The following ABLIM3 variants were observed in gnomAD, a reference collection of about 807,000 sequenced individuals.
The protein encoded by ABLIM3 is actin binding LIM protein family member 3.
In ABLIM3, 61 loss-of-function variants were observed where a neutral mutation model predicts 109.5. The ratio of observed to expected loss-of-function variants is 0.56; its 90% CI spans 0.45 to 0.69. The LOEUF (loss-of-function observed/expected upper bound fraction) is 0.69. Ranked by LOEUF, ABLIM3 falls within the 30% of genes least tolerant of loss-of-function variation. The pLI, the probability that ABLIM3 is intolerant of heterozygous loss-of-function variation, is 0.00. For missense variants in ABLIM3, 796 were observed against 889.5 expected (o/e 0.89, Z 1.34); for synonymous variants, 300 against 324.8 (o/e 0.92, Z 0.82).
chr5:149,193,445 AT>A (rs942939971), intron 3 of ABLIM3, among the ~76,000 whole-genome samples: 14 of 151,942 alleles, frequency 9.2e-5, no homozygotes, highest in African/African-American at 3.4e-4. Context: ...AATTTATAGA[AT>A]ATCATAAGAA....
chr5:149,189,408 G>A (rs1757273490), intron 3 of ABLIM3, among the ~76,000 whole-genome samples: 1 of 152,146 alleles, frequency 6.6e-6, no homozygotes, highest in South Asian at 2.1e-4. Flanking sequence ...CATCAAGAAT[G>A]TGAAAAGACA....
At chr5:149,185,016 C>T (rs1368902386) in intron 3 of ABLIM3, among the ~76,000 whole-genome samples, 2 of 152,228 alleles carry the variant, frequency 1.3e-5, no homozygotes, top group East Asian at 3.9e-4. Context: ...TATTTTTACA[C>T]CCTCTGAAAT....
rs137857448 is a variant in ABLIM3 at position 149,240,677 on chromosome 5, G to T, written c.1206G>T (p.Gly402=). The T allele has an allele frequency of 8.9e-5, 143 of 1,613,516 alleles. No homozygotes were observed. The African/African-American group carries it at 1.8e-3, about 20-fold the overall frequency. The change falls in exon 14 of 24, where the codon GGG becomes GGT. Residue 402 remains glycine, a splice_region_variant and synonymous_variant. Coordinates refer to ENST00000309868, the MANE Select transcript of ABLIM3 (RefSeq NM_014945.5). ...SRSPHHYYRS[G]PESGRSSPYH... ...GCGACCACTTCCTGCGTGCTCCAGG[G>T]CCCGAGAGTGGCCGGAGCTCTCCAT... is the stretch of plus-strand genomic sequence containing the variant.
chr5:149,211,889 G>C (rs1759591746), intron 7 of ABLIM3, among the ~76,000 whole-genome samples: 1 of 151,704 alleles, frequency 6.6e-6, no homozygotes, highest in Non-Finnish European at 1.5e-5. Flanking sequence ...CAGAATTGTG[G>C]CTGCAGAATT....
chr5:149,144,308 C>T (rs1329962112), intron 2 of ABLIM3, among the ~76,000 whole-genome samples: 2 of 152,122 alleles, frequency 1.3e-5, no homozygotes, highest in African/African-American at 4.8e-5. Context: ...GCTTTGAGGG[C>T]TTAACTCCAT....
intron 7 of ABLIM3, among the ~76,000 whole-genome samples, chr5:149,212,968 TAAAC>T (rs1759706606): frequency 6.6e-6 from 1 of 151,940 alleles, no homozygotes; most frequent in Non-Finnish European, 1.5e-5. Context: ...CTATAAAAAA[TAAAC>T]AAAACTAGCC....
intron 2 of ABLIM3, among the ~76,000 whole-genome samples, chr5:149,161,054 C>T (rs568236910): frequency 1.1e-4 from 16 of 152,268 alleles, no homozygotes; most frequent in African/African-American, 2.2e-4. Context: ...TTGGGTTTTC[C>T]GGGTGTGGAT....
chr5:149,176,178 C>G (rs1403326446), intron 2 of ABLIM3, among the ~76,000 whole-genome samples: 2 of 152,156 alleles, frequency 1.3e-5, no homozygotes, highest in African/African-American at 4.8e-5. Flanking sequence ...ACACACCTGT[C>G]AGGCTTTACC....
chr5:149,239,795 G>A lies in ABLIM3; in HGVS notation c.1111G>A (p.Ala371Thr). ...GAACCTGGACCTCCGGCAGAGACGG[G>A]CCTCCAGCCCGGGGTACATAGACTC... is the stretch of plus-strand genomic sequence containing the variant. ...YENLDLRQRR[A>T]SSPGYIDSPT... Residue 371 changes from alanine to threonine, a missense_variant, in exon 13 of 24, where the codon GCC becomes ACC. Physicochemically the swap from Ala to Thr is moderately conservative, Grantham distance 58. Transcript: ENST00000309868. 6.2e-7 allele frequency: 1 copy of A among 1,608,014 alleles called. No individual in the cohort carries two copies. Among genetic ancestry groups the A allele is most frequent in the Non-Finnish European group, 8.5e-7 (1 of 1,177,194 alleles).
intron 3 of ABLIM3, among the ~76,000 whole-genome samples, chr5:149,196,030 G>A (rs900753966): frequency 1.3e-5 from 2 of 152,174 alleles, no homozygotes; most frequent in African/African-American, 2.4e-5. Context: ...GTGAACAGAG[G>A]CCCCAGAGAA....
chr5:149,176,097 G>A (rs1040820756), intron 2 of ABLIM3, among the ~76,000 whole-genome samples: 6 of 152,156 alleles, frequency 3.9e-5, no homozygotes, highest in Non-Finnish European at 8.8e-5. Flanking sequence ...GGGGTTCCCA[G>A]AGGACTCGTA....
In ABLIM3 at chr5:149,258,690, C is replaced by CAA. The variant is rs1754665908; in HGVS notation, c.*287_*288dup. ...GTCCTAACTTGAGTGCCCCAAGGTC[C>CAA]AACTCTCTTTCCTAAAGAAGGTGCC... On this transcript the variant is annotated 3_prime_UTR_variant, in exon 24 of 24. Transcript: ENST00000309868. 9.4e-7 allele frequency: 1 copy of CAA among 1,065,178 alleles called. No individual in the cohort carries two copies. Among genetic ancestry groups the CAA allele is most frequent in the Admixed American group, 5.2e-5 (1 of 19,348 alleles). The allele number at this position is 1,065,178 out of a possible 1,614,324, so 66.0% of individuals were successfully genotyped here.
Position 149,244,975 on chromosome 5 carries a change from T to C in ABLIM3, c.1446T>C (p.Ala482=). 3 of 1,614,120 alleles carry C rather than the reference T, an allele frequency of 1.9e-6. No individual in the cohort carries two copies. The highest frequency in any genetic ancestry group is 2.5e-6 in the Non-Finnish European group (3 of 1,180,000). The part of the protein sequence containing the change: ...SPIYSPDPYY[A]SESEYWTYHG... ...TCTACTCGCCAGACCCCTACTATGCTTCGGAGTCTGAGTACTGGACCTACC... is the reference window on the plus strand; with the variant it reads ...TCTACTCGCCAGACCCCTACTATGCCTCGGAGTCTGAGTACTGGACCTACC... The change falls in exon 16 of 24, where the codon GCT becomes GCC. Residue 482 remains alanine (A), a synonymous_variant. Transcript: ENST00000309868.
chr5:149,207,001 C>G lies in ABLIM3; in HGVS notation c.449-7C>G. The G allele has an allele frequency of 1.2e-6, 2 of 1,613,632 alleles. No individual in the cohort carries two copies. Among genetic ancestry groups the G allele is most frequent in the Non-Finnish European group, 1.7e-6 (2 of 1,179,776 alleles). ...GCTTTGCTCAGCAGTGTCCTCTTGT[C>G]TTGCAGACTGTGCCGGGTGCAAGGA... On this transcript the variant is annotated splice_polypyrimidine_tract_variant and splice_region_variant and intron_variant, in intron 5 of 23. Coordinates refer to ENST00000309868, the MANE Select transcript of ABLIM3 (RefSeq NM_014945.5).
In ABLIM3 at chr5:149,240,789, C is replaced by T. The variant is rs1291417981; in HGVS notation, c.1303+15C>T. Reference sequence around the variant, plus strand: ...TCACATCCCAGGTAGGCACTGCCAGCCCAGAATTCCTGGGATGGATGCATG... The same window carrying T: ...TCACATCCCAGGTAGGCACTGCCAGTCCAGAATTCCTGGGATGGATGCATG... On this transcript the variant is annotated intron_variant, in intron 14 of 23. Transcript: ENST00000309868. 1 of 1,610,544 alleles carries T rather than the reference C, an allele frequency of 6.2e-7. No individual in the cohort carries two copies. The highest frequency in any genetic ancestry group is 8.5e-7 in the Non-Finnish European group (1 of 1,177,092).
intron 7 of ABLIM3, among the ~76,000 whole-genome samples, chr5:149,213,554 G>C (rs1260629549): frequency 6.6e-6 from 1 of 152,156 alleles, no homozygotes. Context: ...GTAGGTTGAA[G>C]GGTCAATGCG....
intron 3 of ABLIM3, among the ~76,000 whole-genome samples, chr5:149,190,931 C>T (rs1400044060): frequency 1.3e-5 from 2 of 152,182 alleles, no homozygotes; most frequent in African/African-American, 2.4e-5. Context: ...CAAAAACTTG[C>T]ATTACAAAAT....
At position 149,196,058 on chromosome 5, in the gene ABLIM3, T is replaced by G. The variant is rs148279952; in HGVS notation, c.152-2161T>G. Among the ~76,000 whole-genome samples the G allele has an allele frequency of 5.1e-3, 775 of 152,310 alleles. 14 individuals are homozygous for G. Among genetic ancestry groups the G allele is most frequent in the African/African-American group, 0.018 (741 of 41,560 alleles). On this transcript the variant is annotated intron_variant, in intron 3 of 23. Coordinates refer to ENST00000309868, the MANE Select transcript of ABLIM3 (RefSeq NM_014945.5). ...CCAGAGAAGTGAGGGTAAAGTTCAC[T>G]GTTGTCCAGAGACTCAGTGGCAGTG...
At chr5:149,223,321 T>A (rs1235774683) in intron 8 of ABLIM3, among the ~76,000 whole-genome samples, 1 of 152,212 alleles carries the variant, frequency 6.6e-6, no homozygotes, top group Non-Finnish European at 1.5e-5. Context: ...TTTGTCCATG[T>A]TGGTCAGAAT....
Sources: gnomAD v4.1 joint callset for allele counts (sites outside exome capture counted in the v4.1 genomes callset) on GRCh38, gnomAD v4.1.1 for gene constraint, MANE v1.5 for transcripts, NCBI Gene and HGNC (gene_info 2026-07-23, HGNC 2026-07-21) for gene names.